The following TRMT10B variants were observed in gnomAD, a reference collection of about 807,000 sequenced individuals.
The protein encoded by TRMT10B is tRNA methyltransferase 10 homolog B.
A neutral mutation model predicts 43.8 loss-of-function variants in TRMT10B; 33 were observed. That is an observed-to-expected ratio of 0.75 (90% CI 0.57 to 1.01). The LOEUF (loss-of-function observed/expected upper bound fraction) is 1.01, where lower values mean the gene tolerates loss of function less well. TRMT10B is among the 50% of genes least tolerant of loss of function. The pLI, the probability that TRMT10B is intolerant of heterozygous loss-of-function variation, is 0.00. For missense variants in TRMT10B, 362 were observed against 369.8 expected, an observed-to-expected ratio of 0.98 and a Z score of 0.17; for synonymous variants, 137 against 130.6, an observed-to-expected ratio of 1.05 and a Z score of -0.34.
chr9:37,758,257 C>G (rs1825926783), intron 1 of TRMT10B, among the ~76,000 whole-genome samples: 1 of 151,998 alleles, frequency 6.6e-6, no homozygotes, highest in African/African-American at 2.4e-5. Flanking sequence ...ACTAAAAATA[C>G]AAAAATTAGC....
chr9:37,754,882 T>TGA (rs1455222413), intron 1 of TRMT10B, among the ~76,000 whole-genome samples: 1 of 152,174 alleles, frequency 6.6e-6, no homozygotes, highest in Non-Finnish European at 1.5e-5. Context: ...AACCTGAATG[T>TGA]GAGAAGGGGA....
intron 7 of TRMT10B, among the ~76,000 whole-genome samples, chr9:37,772,451 C>G (rs185693190): frequency 3.9e-5 from 6 of 151,986 alleles, no homozygotes; most frequent in Admixed American, 6.6e-5. Flanking sequence ...CGTGCCCAGC[C>G]TCGTGTTTAA....
At position 37,777,677 on chromosome 9, in the gene TRMT10B, A is replaced by AG; in HGVS notation, c.923dup (p.Tyr309LeufsTer24). ...TGAAGAAAGGAGTTTCTTCAGGAAA[A>AG]GGCTATATTCTTCGGAACTCAGTGG... On this transcript the variant is annotated frameshift_variant, in exon 9 of 9. Coordinates refer to ENST00000297994, the MANE Select transcript of TRMT10B (RefSeq NM_144964.4). LOFTEE classifies it high-confidence loss of function. 1 of 1,613,954 alleles carries AG rather than the reference A, an allele frequency of 6.2e-7. No homozygotes were observed. Among genetic ancestry groups the AG allele is most frequent in the Non-Finnish European group, 8.5e-7 (1 of 1,179,948 alleles).
intron 1 of TRMT10B, among the ~76,000 whole-genome samples, chr9:37,757,877 C>T (rs1483181391): frequency 6.6e-6 from 1 of 152,212 alleles, no homozygotes; most frequent in Non-Finnish European, 1.5e-5. Flanking sequence ...AAGTGGCAAG[C>T]TGGGAAGTGT....
intron 6 of TRMT10B, 140 bp from the exon 7 acceptor site, chr9:37,770,532 T>A (rs758192567): frequency 1.1e-4 from 92 of 800,414 alleles, no homozygotes; most frequent in Non-Finnish European, 1.7e-4. Flanking sequence ...GAAAATTAGC[T>A]TTTGGTTTTA....
intron 8 of TRMT10B, among the ~76,000 whole-genome samples, chr9:37,777,030 C>T (rs1828230630): frequency 6.6e-6 from 1 of 150,616 alleles, no homozygotes; most frequent in Non-Finnish European, 1.5e-5. Context: ...ACCGTCTCTA[C>T]TAAAAATACA....
intron 4 of TRMT10B, among the ~76,000 whole-genome samples, chr9:37,766,262 G>A (rs1486248944): frequency 6.6e-6 from 1 of 152,042 alleles, no homozygotes; most frequent in Non-Finnish European, 1.5e-5. Context: ...TGTATAAGGT[G>A]TAAGGAAGGG....
Position 37,762,040 on chromosome 9 carries a change from C to T in TRMT10B, c.109C>T (p.Gln37Ter). Residue 37 changes from glutamine to a stop codon, truncating the protein, a stop_gained, in exon 2 of 9, where the codon CAG (glutamine) becomes TAG (stop). Coordinates refer to ENST00000297994, the MANE Select transcript of TRMT10B (RefSeq NM_144964.4). LOFTEE classifies it high-confidence loss of function. ...TGEDGLPEGF[Q>*]LLQIDAEGEC... ...TGAAGATGGACTTCCTGAAGGCTTC[C>T]AGCTTCTGCAGATCGATGCGGAAGG... 6.2e-7 allele frequency: 1 copy of T among 1,614,088 alleles called. No individual in the cohort carries two copies. The highest frequency in any genetic ancestry group is 8.5e-7 in the Non-Finnish European group (1 of 1,179,998).
intron 4 of TRMT10B, among the ~76,000 whole-genome samples, chr9:37,766,737 ATCC>A (rs1007863240): frequency 1.3e-5 from 2 of 152,130 alleles, no homozygotes; most frequent in African/African-American, 4.8e-5. Flanking sequence ...ATTTGTTTGT[ATCC>A]TCTTTTATTT....
intron 6 of TRMT10B, 103 bp downstream of exon 6, chr9:37,770,122 C>A (rs1486509472): frequency 3.0e-6 from 3 of 1,010,322 alleles, no homozygotes; most frequent in African/African-American, 3.2e-5. Context: ...CACCCCTCCC[C>A]ACCCCCACAA....
At chr9:37,753,208 A>G (rs1259887911), upstream of TRMT10B, among the ~76,000 whole-genome samples, 1 of 152,218 alleles carries the variant, frequency 6.6e-6, no homozygotes, top group East Asian at 1.9e-4. Context: ...GTCTTTAAGA[A>G]TTGTAACACC....
rs113116259 is a variant in TRMT10B, at chr9:37,756,853, TACAC to T, written c.-30+3009_-30+3012del. Reference sequence around the variant, plus strand: ...GCGTGTGTATGTATGTGTGTATATATACACACACACATATACATACACACATATA... The same window carrying T: ...GCGTGTGTATGTATGTGTGTATATATACACACATATACATACACACATATA... On this transcript the variant is annotated intron_variant, in intron 1 of 8. Transcript: ENST00000297994. 7.7e-4 allele frequency among the ~76,000 whole-genome samples: 117 copies of T among 151,892 alleles called. 1 individual carries two copies. The highest frequency in any genetic ancestry group is 2.5e-3 in the African/African-American group (105 of 41,374).
intron 1 of TRMT10B, among the ~76,000 whole-genome samples, chr9:37,760,286 C>CA: frequency 6.6e-6 from 1 of 152,302 alleles, no homozygotes; most frequent in East Asian, 1.9e-4. Context: ...TGCAACGCTG[C>CA]ACTCCAGCCT....
In TRMT10B at chr9:37,772,858, G is replaced by A. The variant is rs376294285; in HGVS notation, c.720+2119G>A. On this transcript the variant is annotated intron_variant, in intron 7 of 8. Transcript: ENST00000297994. ...GAAAAGAAGAAAAGGTTAAAAAACCGTAATAGCCAAATGCAGTATGTGAGC... is the reference window on the plus strand; with the variant it reads ...GAAAAGAAGAAAAGGTTAAAAAACCATAATAGCCAAATGCAGTATGTGAGC... Among the ~76,000 whole-genome samples, 13 of 152,254 alleles carry A rather than the reference G, an allele frequency of 8.5e-5. 1 individual carries two copies. The highest frequency in any genetic ancestry group is 2.4e-4 in the African/African-American group (10 of 41,536).
intron 1 of TRMT10B, among the ~76,000 whole-genome samples, chr9:37,756,622 C>T: frequency 6.6e-6 from 1 of 151,906 alleles, no homozygotes; most frequent in East Asian, 1.9e-4. Context: ...ATGAGAATCG[C>T]TTGAACCTGG....
At chr9:37,754,598 C>A (rs950325760) in intron 1 of TRMT10B, among the ~76,000 whole-genome samples, 1 of 152,080 alleles carries the variant, frequency 6.6e-6, no homozygotes, top group Non-Finnish European at 1.5e-5. Context: ...TCTTCCAATT[C>A]TTCCCTGGGT....
rs933413935 is a variant in TRMT10B, at chr9:37,753,824, C to A, written c.-58C>A. On this transcript the variant is annotated 5_prime_UTR_variant, in exon 1 of 9. In the 5' UTR this introduces an upstream ATG that the reference lacks. Transcript: ENST00000297994. ...GGCGGGGGGGATCCGATGCGCGCCG[C>A]TGCCGCTGCGTGGGGGTGAGGGGAT... The A allele has an allele frequency of 2.0e-5, 3 of 152,412 alleles. No individual in the cohort carries two copies. The highest frequency in any genetic ancestry group is 7.2e-5 in the African/African-American group (3 of 41,572). The allele number at this position is 152,412 out of a possible 1,614,324, so 9.4% of individuals were successfully genotyped here. A position where few individuals can be genotyped will look rare whatever the true frequency, so the allele number is the denominator to read the frequency against.
chr9:37,770,619 A>G, intron 6 of TRMT10B, 53 bp from the exon 7 acceptor site: 1 of 1,502,878 alleles, frequency 6.7e-7, no homozygotes, highest in East Asian at 2.3e-5. Flanking sequence ...CTTTCTCTGG[A>G]TTTAGAAATT....
At chr9:37,771,659 CCTAATA>C (rs1427548570) in intron 7 of TRMT10B, among the ~76,000 whole-genome samples, 1 of 152,142 alleles carries the variant, frequency 6.6e-6, no homozygotes, top group African/African-American at 2.4e-5. Context: ...TTTTGTCACT[CCTAATA>C]CAATTGTTGA....
Sources: gnomAD v4.1 joint callset for allele counts (sites outside exome capture counted in the v4.1 genomes callset) on GRCh38, gnomAD v4.1.1 for gene constraint, MANE v1.5 for transcripts, NCBI Gene and HGNC (gene_info 2026-07-23, HGNC 2026-07-21) for gene names.